Variants in GGA2 observed in about 807,000 individuals in gnomAD.
GGA2 encodes the protein golgi associated, gamma adaptin ear containing, ARF binding protein 2, also known as ADP-ribosylation factor-binding protein GGA2.
A neutral mutation model predicts 79.5 loss-of-function variants in GGA2; 48 were observed. That is an observed-to-expected ratio of 0.60 (90% CI 0.48 to 0.77). The LOEUF is 0.77. GGA2 is among the 30% of genes least tolerant of loss of function. The probability of loss-of-function intolerance (pLI) is 0.00; values close to 1 mark genes in which losing one functional copy is unlikely to be tolerated. For missense variants in GGA2, 770 were observed against 774.0 expected, an observed-to-expected ratio of 0.99 and a Z score of 0.06; for synonymous variants, 317 against 302.0, an observed-to-expected ratio of 1.05 and a Z score of -0.51.
chr16:23,518,296 C>A (rs1012646084), intron 2 of GGA2, among the ~76,000 whole-genome samples: 2 of 152,148 alleles, frequency 1.3e-5, no homozygotes, highest in African/African-American at 4.8e-5. Flanking sequence ...GCTGCCTCGA[C>A]TTCCTGGGCT....
chr16:23,474,866 GA>G (rs530417746), intron 14 of GGA2, 37 bp downstream of exon 14: 20,579 of 1,315,298 alleles, frequency 0.016, no homozygotes, highest in East Asian at 0.03. Context: ...GATTCCCAGG[GA>G]AAAAAAAAAA....
chr16:23,467,389 C>CG lies in GGA2; in HGVS notation c.*200_*201insC. 2.0e-5 allele frequency: 2 copies of CG among 99,146 alleles called. No homozygotes were observed. The highest frequency in any genetic ancestry group is 2.2e-5 in the Non-Finnish European group (1 of 46,022). The allele number at this position is 99,146 out of a possible 1,614,324, so 6.1% of individuals were successfully genotyped here. ...CCTGTGCTACCACCCTCTCCCCGAA[C>CG]ACACACACACACACACACACACACA... On this transcript the variant is annotated 3_prime_UTR_variant, in exon 17 of 17. Transcript: ENST00000309859.
chr16:23,511,835 G>A (rs1471006684), upstream of GGA2, among the ~76,000 whole-genome samples: 1 of 152,176 alleles, frequency 6.6e-6, no homozygotes, highest in Non-Finnish European at 1.5e-5. Context: ...AGTCAAAGAA[G>A]GGCAAATTTA....
upstream of GGA2, among the ~76,000 whole-genome samples, chr16:23,513,809 AAAAGAAAAG>A (rs1217785132): frequency 3.9e-4 from 57 of 146,928 alleles, no homozygotes; most frequent in Admixed American, 8.8e-4. Context: ...AAGAAAGAAA[AAAAGAAAAG>A]AAAAGAAAAG....
At chr16:23,484,750 T>C (rs890021429) in intron 8 of GGA2, among the ~76,000 whole-genome samples, 6 of 152,180 alleles carry the variant, frequency 3.9e-5, no homozygotes, top group African/African-American at 1.4e-4. Context: ...CTGGAGCCAA[T>C]ACATTGCTGC....
Position 23,483,001 on chromosome 16 carries a change from C to T in GGA2, c.802G>A (p.Val268Met), listed in dbSNP as rs547953824. Residue 268 changes from valine (V) to methionine (M), a missense_variant, in exon 9 of 17, where the codon GTG (valine) becomes ATG (methionine). Coordinates refer to ENST00000309859, the MANE Select transcript of GGA2 (RefSeq NM_015044.4). ...APPDQEALQV[V>M]YERCEKLRPT... ...CGCAGCTTTTCACACCTCTCATACACGACCTGAAAGAGCAGAGCTTGGTTC... is the reference window on the plus strand; with the variant it reads ...CGCAGCTTTTCACACCTCTCATACATGACCTGAAAGAGCAGAGCTTGGTTC... 1.1e-5 allele frequency: 18 copies of T among 1,607,648 alleles called. 1 individual carries two copies. In the South Asian group the frequency reaches 1.6e-4, roughly 15 times the overall value.
intron 14 of GGA2, among the ~76,000 whole-genome samples, chr16:23,470,484 C>T (rs922647735): frequency 2.0e-5 from 3 of 152,038 alleles, no homozygotes; most frequent in Non-Finnish European, 2.9e-5. Context: ...AATTATCAGC[C>T]AGGCGTGGGG....
In GGA2 at chr16:23,494,359, G is replaced by T. The variant is rs900532886; in HGVS notation, c.196C>A (p.Leu66Ile). Residue 66 changes from leucine (L) to isoleucine (I), a missense_variant, in exon 3 of 17, where the codon CTA (leucine) becomes ATA (isoleucine). By Grantham distance (5) the Leu-to-Ile change is conservative. Coordinates refer to ENST00000309859, the MANE Select transcript of GGA2 (RefSeq NM_015044.4). ...GGAGACTGGATCTTGTGGGCCAGTA[G>T]CCAGGGCGCATGTGTGGGGCTACAG... ...DPNGPTHAPW[L>I]LAHKIQSPQE... 3.7e-6 allele frequency: 6 copies of T among 1,612,116 alleles called. No individual in the cohort carries two copies. The highest frequency in any genetic ancestry group is 5.1e-6 in the Non-Finnish European group (6 of 1,178,208).
chr16:23,497,990 TAGTC>T (rs1047488090), intron 1 of GGA2, among the ~76,000 whole-genome samples: 1 of 152,098 alleles, frequency 6.6e-6, no homozygotes, highest in African/African-American at 2.4e-5. Context: ...TAAAAAAAAT[TAGTC>T]AGAAGGCTGG....
At chr16:23,470,625 T>C (rs1271991492) in intron 14 of GGA2, among the ~76,000 whole-genome samples, 1 of 151,982 alleles carries the variant, frequency 6.6e-6, no homozygotes, top group Non-Finnish European at 1.5e-5. Context: ...TAGCTGGGCA[T>C]GGTGGTACAC....
At chr16:23,517,163 C>T (rs1404582012) in intron 2 of GGA2, among the ~76,000 whole-genome samples, 4 of 152,140 alleles carry the variant, frequency 2.6e-5, no homozygotes, top group Admixed American at 2.6e-4. Context: ...CTCAAGTGAT[C>T]CTCCTGCCTC....
At chr16:23,509,775 CGTGT>C (rs201625518) in intron 1 of GGA2, among the ~76,000 whole-genome samples, 3 of 148,792 alleles carry the variant, frequency 2.0e-5, no homozygotes, top group Admixed American at 6.7e-5. Context: ...CACACACACA[CGTGT>C]GTGTGTGTTT....
At chr16:23,507,771 G>GC (rs1158651832) in intron 1 of GGA2, among the ~76,000 whole-genome samples, 3 of 152,172 alleles carry the variant, frequency 2.0e-5, no homozygotes, top group Non-Finnish European at 2.9e-5. Context: ...CTGCACTCCA[G>GC]CCTGGGCAAC....
At chr16:23,471,862 C>T (rs1013570408) in intron 14 of GGA2, among the ~76,000 whole-genome samples, 2 of 152,094 alleles carry the variant, frequency 1.3e-5, no homozygotes, top group Non-Finnish European at 2.9e-5. Context: ...TGAGCTATGA[C>T]TGTGCCACCG....
At chr16:23,479,945 A>G (rs1253532235) in intron 10 of GGA2, 58 bp from the exon 11 acceptor site, 1 of 1,573,920 alleles carries the variant, frequency 6.4e-7, no homozygotes, top group Non-Finnish European at 8.7e-7. Context: ...AAGTCTCCAC[A>G]TAAATCCTAT....
chr16:23,513,800 A>AG (rs1965087803), upstream of GGA2, among the ~76,000 whole-genome samples: 1 of 38,878 alleles, frequency 2.6e-5, no homozygotes, highest in African/African-American at 1.4e-4. Context: ...AAAAAAAAAA[A>AG]GAAAGAAAAA....
chr16:23,464,958 A>G lies in GGA2; in HGVS notation c.*2632T>C, dbSNP rs1224009276. Reference sequence around the variant, plus strand: ...GGACTCTGGAAAACCATCACACTTAAGAGACAGAGGAAAAAGAGCAGTCAC... The same window carrying G: ...GGACTCTGGAAAACCATCACACTTAGGAGACAGAGGAAAAAGAGCAGTCAC... On this transcript the variant is annotated 3_prime_UTR_variant, in exon 17 of 17. Coordinates refer to ENST00000309859, the MANE Select transcript of GGA2 (RefSeq NM_015044.4). 1 of 238,816 alleles carries G rather than the reference A, an allele frequency of 4.2e-6. No individual in the cohort carries two copies. Among genetic ancestry groups the G allele is most frequent in the Non-Finnish European group, 8.3e-6 (1 of 120,652 alleles). 14.8% of individuals were successfully genotyped at this position (238,816 alleles called of 1,614,324 possible).
upstream of GGA2, among the ~76,000 whole-genome samples, chr16:23,511,155 CTT>C (rs1567372723): frequency 8.6e-5 from 13 of 151,586 alleles, no homozygotes; most frequent in Non-Finnish European, 2.9e-5. Flanking sequence ...TTTTATTTTT[CTT>C]TTTTTCTTTT....
intron 14 of GGA2, among the ~76,000 whole-genome samples, chr16:23,472,664 C>A (rs138912386): frequency 6.6e-6 from 1 of 150,992 alleles, no homozygotes; most frequent in Non-Finnish European, 1.5e-5. Context: ...GCTGAGATGG[C>A]GCCACTGCAC....
Sources: allele counts gnomAD v4.1 joint callset (sites outside exome capture counted in the v4.1 genomes callset), GRCh38; gene constraint gnomAD v4.1.1; transcripts MANE v1.5; gene names NCBI Gene and HGNC (gene_info 2026-07-23, HGNC 2026-07-21).